The following PTPRD variants were observed in gnomAD, a reference collection of about 807,000 sequenced individuals.
PTPRD encodes protein tyrosine phosphatase receptor type D.
A neutral mutation model predicts 214.5 loss-of-function variants in PTPRD; 34 were observed. The observed-to-expected ratio is 0.16, with a 90% CI of 0.12 to 0.21. The LOEUF is 0.21. Among genes scored for constraint, PTPRD ranks in the 10% least tolerant of loss-of-function variants. The pLI, the probability that PTPRD is intolerant of heterozygous loss-of-function variation, is 1.00. For synonymous variants in PTPRD, 1,128 were observed against 845.7 expected, an observed-to-expected ratio of 1.33 and a Z score of -5.79; for missense variants, 2,545 against 2,398.7, an observed-to-expected ratio of 1.06 and a Z score of -1.27.
At chr9:9,792,123 TA>T (rs34467616) in intron 5 of PTPRD, among the ~76,000 whole-genome samples, 132,888 of 151,920 alleles carry the variant, frequency 0.87, 59,067 homozygotes, top group African/African-American at 0.97. Context: ...TGACACTTTT[TA>T]AAAAAATCAC....
intron 11 of PTPRD, among the ~76,000 whole-genome samples, chr9:8,824,323 G>T (rs1425066649): frequency 1.3e-5 from 2 of 152,084 alleles, no homozygotes; most frequent in African/African-American, 4.8e-5. Flanking sequence ...GATCCTAAGG[G>T]TTGCCCAGGG....
At chr9:10,560,302 G>C (rs1210100243) in intron 2 of PTPRD, among the ~76,000 whole-genome samples, 2 of 151,646 alleles carry the variant, frequency 1.3e-5, no homozygotes, top group Non-Finnish European at 2.9e-5. Context: ...GTAAACTATT[G>C]CAAGAACAAA....
At chr9:9,005,510 G>A (rs2099458520) in intron 11 of PTPRD, among the ~76,000 whole-genome samples, 1 of 151,966 alleles carries the variant, frequency 6.6e-6, no homozygotes, top group Admixed American at 6.6e-5. Context: ...TCTGCATCCT[G>A]AATGAACCAC....
At chr9:10,034,363 T>C (rs2097137557) in intron 3 of PTPRD, among the ~76,000 whole-genome samples, 1 of 151,738 alleles carries the variant, frequency 6.6e-6, no homozygotes, top group African/African-American at 2.4e-5. Context: ...TTCCTGCCTT[T>C]TACTATTTCT....
intron 9 of PTPRD, among the ~76,000 whole-genome samples, chr9:9,231,110 T>A (rs1324080788): frequency 6.6e-6 from 1 of 152,072 alleles, no homozygotes; most frequent in Non-Finnish European, 1.5e-5. Context: ...AAATGCCCGA[T>A]TTTCATGTTG....
intron 3 of PTPRD, among the ~76,000 whole-genome samples, chr9:10,268,285 G>C (rs1475229561): frequency 9.6e-6 from 1 of 104,388 alleles, no homozygotes. Flanking sequence ...GCAAGACTCT[G>C]TTGCTATAAA....
intron 3 of PTPRD, among the ~76,000 whole-genome samples, chr9:10,220,610 T>A (rs959475417): frequency 1.3e-5 from 2 of 151,950 alleles, no homozygotes; most frequent in Non-Finnish European, 2.9e-5. Context: ...TAAATTTATA[T>A]TAAAATAATA....
chr9:10,173,934 T>A (rs1012421546), intron 3 of PTPRD, among the ~76,000 whole-genome samples: 2 of 152,150 alleles, frequency 1.3e-5, no homozygotes, highest in Non-Finnish European at 2.9e-5. Flanking sequence ...GTCATACTTA[T>A]GTACTGAATT....
chr9:9,491,587 T>TG (rs34069468), intron 8 of PTPRD, among the ~76,000 whole-genome samples: 12,182 of 152,006 alleles, frequency 0.08, 603 homozygotes, highest in South Asian at 0.14. Flanking sequence ...TCACACCAAG[T>TG]GTATCTTCAA....
At chr9:8,447,987 T>C (rs144992880) in intron 34 of PTPRD, among the ~76,000 whole-genome samples, 2 of 152,210 alleles carry the variant, frequency 1.3e-5, no homozygotes, top group East Asian at 3.9e-4. Context: ...TACATTGAGT[T>C]TGCTAAATTG....
chr9:8,870,262 C>G (rs547951939), intron 11 of PTPRD, among the ~76,000 whole-genome samples: 2 of 151,958 alleles, frequency 1.3e-5, no homozygotes, highest in African/African-American at 4.8e-5. Flanking sequence ...AAAAGACAGT[C>G]AAACAGACCC....
chr9:10,014,506 G>A (rs1461549719), intron 4 of PTPRD, among the ~76,000 whole-genome samples: 1 of 151,996 alleles, frequency 6.6e-6, no homozygotes, highest in Admixed American at 6.6e-5. Context: ...TTGGTAACAT[G>A]AAAGACAATT....
chr9:8,975,815 T>C (rs2099264962), intron 11 of PTPRD, among the ~76,000 whole-genome samples: 2 of 151,638 alleles, frequency 1.3e-5, no homozygotes, highest in East Asian at 1.9e-4. Flanking sequence ...TATATATATA[T>C]ACACATCCAA....
intron 39 of PTPRD, among the ~76,000 whole-genome samples, chr9:8,346,538 C>T (rs1370951025): frequency 6.6e-6 from 1 of 152,112 alleles, no homozygotes; most frequent in African/African-American, 2.4e-5. Context: ...CAAGCCCTCC[C>T]TTTCCATCCA....
Position 10,324,619 on chromosome 9 carries a change from G to A in PTPRD, c.-545+16344C>T, listed in dbSNP as rs190779470. On this transcript the variant is annotated intron_variant, in intron 3 of 45. Coordinates refer to ENST00000381196, the MANE Select transcript of PTPRD (RefSeq NM_002839.4). ...GCACTCCTTCAATGGCTTCATATGC[G>A]TTCCAAGATCCCTATATTTCACCAA... Among the ~76,000 whole-genome samples the A allele has an allele frequency of 2.3e-3, 351 of 152,078 alleles. 2 individuals carry two copies. Among genetic ancestry groups the A allele is most frequent in the African/African-American group, 7.4e-3 (308 of 41,522 alleles).
intron 12 of PTPRD, chr9:8,700,958 C>T (rs1371656537): frequency 2.6e-5 from 4 of 151,814 alleles, no homozygotes; most frequent in African/African-American, 7.3e-5. Context: ...GTCAGGAGTT[C>T]GAGACCAGCC....
chr9:8,542,523 A>G (rs2140263780), intron 14 of PTPRD, among the ~76,000 whole-genome samples: 1 of 152,346 alleles, frequency 6.6e-6, no homozygotes, highest in East Asian at 1.9e-4. Flanking sequence ...CTGAAATGTT[A>G]TGATTGTTTG....
chr9:8,733,187 G>C (rs998182670), intron 12 of PTPRD, among the ~76,000 whole-genome samples: 19 of 152,124 alleles, frequency 1.2e-4, no homozygotes, highest in African/African-American at 4.6e-4. Flanking sequence ...AGTAATCCAA[G>C]CTTTGGTGTC....
chr9:9,814,078 AT>A (rs2047991807), intron 5 of PTPRD, among the ~76,000 whole-genome samples: 1 of 152,168 alleles, frequency 6.6e-6, no homozygotes, highest in Non-Finnish European at 1.5e-5. Flanking sequence ...CAGAAAATGA[AT>A]TTGATAAAAT....
Sources: allele counts gnomAD v4.1 joint callset (sites outside exome capture counted in the v4.1 genomes callset), GRCh38; gene constraint gnomAD v4.1.1; transcripts MANE v1.5; gene names NCBI Gene and HGNC (gene_info 2026-07-23, HGNC 2026-07-21).